The following HHIP variants were observed in gnomAD, a reference collection of about 807,000 sequenced individuals.
HHIP encodes the protein hedgehog interacting protein.
Under a neutral mutation model 74.0 loss-of-function variants are expected in HHIP, and 12 were observed. The ratio of observed to expected loss-of-function variants is 0.16; its 90% CI spans 0.10 to 0.26. HHIP has a LOEUF of 0.26. HHIP is among the 10% of genes least tolerant of loss of function. HHIP has a pLI of 1.00. For synonymous variants in HHIP, 309 were observed against 311.6 expected, an observed-to-expected ratio of 0.99 and a Z score of 0.09; for missense variants, 788 against 845.0, an observed-to-expected ratio of 0.93 and a Z score of 0.84.
At chr4:144,706,733 T>A in intron 5 of HHIP, 51 bp downstream of exon 5, 1 of 1,514,144 alleles carries the variant, frequency 6.6e-7, no homozygotes. Context: ...TATTTTCTCA[T>A]CATCTTTTCA....
In HHIP at chr4:144,704,935, T is replaced by G. The variant is rs1283808806; in HGVS notation, c.832-1596T>G. The stretch of plus-strand genomic sequence containing the variant: ...CAGAAAAACAGCACCATCGAGTCAA[T>G]ATTAAAATCACCAGAACAAGATAAT... On this transcript the variant is annotated intron_variant, in intron 4 of 12. Transcript: ENST00000296575. Among the ~76,000 whole-genome samples the G allele has an allele frequency of 2.6e-5, 4 of 152,318 alleles. No homozygotes were observed. The East Asian group carries it at 5.8e-4, about 22-fold the overall frequency.
In HHIP at chr4:144,744,514, G is replaced by C. The variant is rs1175385558; in HGVS notation, c.*6557G>C. 11 of 152,278 alleles carry C rather than the reference G, an allele frequency of 7.2e-5. No homozygotes were observed. The highest frequency in any genetic ancestry group is 6.5e-4 in the Admixed American group (10 of 15,292). The allele number at this position is 152,278 out of a possible 1,614,324, so 9.4% of individuals were successfully genotyped here. ...GTATTTGAATAGGTAGTAAAGGCAG[G>C]TACAAGTTTAAGGGAGCAGGGCTAT... On this transcript the variant is annotated 3_prime_UTR_variant, in exon 13 of 13. Coordinates refer to ENST00000296575, the MANE Select transcript of HHIP (RefSeq NM_022475.3).
At chr4:144,707,016 C>T (rs998541555) in intron 5 of HHIP, 71 bp from the exon 6 acceptor site, 43 of 1,284,252 alleles carry the variant, frequency 3.3e-5, no homozygotes, top group Non-Finnish European at 4.6e-5. Context: ...CATTTATATA[C>T]TATTCACTTT....
chr4:144,733,010 C>T (rs1320183873), intron 11 of HHIP, among the ~76,000 whole-genome samples: 1 of 152,112 alleles, frequency 6.6e-6, no homozygotes. Flanking sequence ...CCACCATTGT[C>T]TCACAAACAA....
rs185064052 is a variant in HHIP, at chr4:144,731,510, C to T, written c.1761-3231C>T. Among the ~76,000 whole-genome samples, 24 of 152,270 alleles carry T rather than the reference C, an allele frequency of 1.6e-4. No individual in the cohort carries two copies. In the East Asian group the frequency reaches 3.7e-3, roughly 23 times the overall value. On this transcript the variant is annotated intron_variant, in intron 11 of 12. Transcript: ENST00000296575. The stretch of plus-strand genomic sequence containing the variant: ...TCTTGGCTCACTGCAACCTCCGCCT[C>T]CTGGGTTCCAGCAATTCTCCTGCCT...
intron 4 of HHIP, among the ~76,000 whole-genome samples, chr4:144,693,228 T>C (rs1443856961): frequency 1.3e-5 from 2 of 151,978 alleles, no homozygotes; most frequent in African/African-American, 4.8e-5. Flanking sequence ...TCCTTAATTT[T>C]CCATCAGTTT....
At chr4:144,649,033 ATAGC>A (rs1728348004) in intron 1 of HHIP, among the ~76,000 whole-genome samples, 1 of 152,202 alleles carries the variant, frequency 6.6e-6, no homozygotes, top group Non-Finnish European at 1.5e-5. Context: ...GAGATTTGCT[ATAGC>A]TATGCATATG....
At chr4:144,707,613 G>A (rs1730181152) in intron 6 of HHIP, among the ~76,000 whole-genome samples, 2 of 30,700 alleles carry the variant, frequency 6.5e-5, no homozygotes, top group South Asian at 2.1e-3. Flanking sequence ...AGAATACATA[G>A]GTTTAGGCTG....
intron 4 of HHIP, among the ~76,000 whole-genome samples, chr4:144,687,760 T>G (rs1415262902): frequency 2.1e-5 from 3 of 145,736 alleles, no homozygotes; most frequent in Non-Finnish European, 4.5e-5. Flanking sequence ...ACTTTTTTTT[T>G]TTTTTTTTTT....
chr4:144,711,001 C>T (rs1730281103), intron 7 of HHIP, among the ~76,000 whole-genome samples: 1 of 152,026 alleles, frequency 6.6e-6, no homozygotes, highest in African/African-American at 2.4e-5. Context: ...TCTTATATTC[C>T]TGGCTTTGAA....
intron 11 of HHIP, among the ~76,000 whole-genome samples, chr4:144,732,735 C>A (rs1730997396): frequency 6.6e-6 from 1 of 152,160 alleles, no homozygotes; most frequent in Non-Finnish European, 1.5e-5. Context: ...CATAAACCAT[C>A]TCATGGGGTA....
intron 4 of HHIP, among the ~76,000 whole-genome samples, chr4:144,686,243 T>C (rs906208027): frequency 4.6e-5 from 7 of 152,122 alleles, no homozygotes; most frequent in African/African-American, 1.7e-4. Context: ...AAGTTCGGTA[T>C]CCTCCCTAGA....
chr4:144,682,666 AT>A (rs1299263764), intron 4 of HHIP, among the ~76,000 whole-genome samples: 1 of 152,264 alleles, frequency 6.6e-6, no homozygotes, highest in Non-Finnish European at 1.5e-5. Flanking sequence ...ACTATTAGTT[AT>A]TTTTAAGAAA....
intron 1 of HHIP, among the ~76,000 whole-genome samples, chr4:144,651,244 TAA>T (rs199687169): frequency 0.012 from 1,803 of 152,254 alleles, 14 homozygotes; most frequent in Non-Finnish European, 0.016. Context: ...AATAAATTGA[TAA>T]GACAGTAAAT....
chr4:144,677,689 G>A (rs1380821119), intron 4 of HHIP, among the ~76,000 whole-genome samples: 1 of 152,110 alleles, frequency 6.6e-6, no homozygotes. Flanking sequence ...AAGACCACTC[G>A]GAGCCGGAGT....
At chr4:144,695,224 A>G (rs1242500420) in intron 4 of HHIP, among the ~76,000 whole-genome samples, 2 of 151,810 alleles carry the variant, frequency 1.3e-5, no homozygotes, top group Admixed American at 6.6e-5. Context: ...TGAGAGAAGA[A>G]AGAATTGAAC....
At chr4:144,724,884 A>G (rs1488763214) in intron 11 of HHIP, among the ~76,000 whole-genome samples, 5 of 151,840 alleles carry the variant, frequency 3.3e-5, no homozygotes, top group African/African-American at 1.2e-4. Context: ...ACTTGACTGA[A>G]TTGCCACTTC....
chr4:144,704,122 TA>T (rs1278589002), intron 4 of HHIP, among the ~76,000 whole-genome samples: 4 of 152,208 alleles, frequency 2.6e-5, no homozygotes, highest in African/African-American at 9.7e-5. Flanking sequence ...TATATAATTT[TA>T]AAATCTAGAT....
At chr4:144,711,708 T>A (rs748782109) in intron 7 of HHIP, among the ~76,000 whole-genome samples, 1 of 152,372 alleles carries the variant, frequency 6.6e-6, no homozygotes. Context: ...AGTGTGCATA[T>A]TTATAACATA....
Sources: gnomAD v4.1 joint callset for allele counts (sites outside exome capture counted in the v4.1 genomes callset) on GRCh38, gnomAD v4.1.1 for gene constraint, MANE v1.5 for transcripts, NCBI Gene and HGNC (gene_info 2026-07-23, HGNC 2026-07-21) for gene names.